The following ABHD2 variants were observed in gnomAD, a reference collection of about 807,000 sequenced individuals.
ABHD2 encodes the protein monoacylglycerol lipase ABHD2.
Under a neutral mutation model 48.1 loss-of-function variants are expected in ABHD2, and 20 were observed. That is an observed-to-expected ratio of 0.42 (90% CI 0.29 to 0.60). The LOEUF is 0.60. Ranked by LOEUF, ABHD2 falls within the 20% of genes least tolerant of loss-of-function variation. The probability of loss-of-function intolerance (pLI) is 0.24; values close to 1 mark genes in which losing one functional copy is unlikely to be tolerated. For missense variants in ABHD2, 405 were observed against 550.9 expected (o/e 0.74, Z 2.65); for synonymous variants, 209 against 214.2 (o/e 0.98, Z 0.21).
rs974508232 is a variant in ABHD2 at position 89,200,527 on chromosome 15, G to T, written c.*5104G>T. On this transcript the variant is annotated 3_prime_UTR_variant, in exon 11 of 11. Transcript: ENST00000352732. ...AACAATTCTTTATGAATTTGATAAAGGACTGAAGTGCAACTGAAAGCTGCT... is the reference window on the plus strand; with the variant it reads ...AACAATTCTTTATGAATTTGATAAATGACTGAAGTGCAACTGAAAGCTGCT... 6.6e-6 allele frequency: 1 copy of T among 152,336 alleles called. No homozygotes were observed. The highest frequency in any genetic ancestry group is 2.4e-5 in the African/African-American group (1 of 41,406). The allele number at this position is 152,336 out of a possible 1,614,324, so 9.4% of individuals were successfully genotyped here. A position where few individuals can be genotyped will look rare whatever the true frequency, so the allele number is the denominator to read the frequency against.
At chr15:89,045,694 C>T in the ABHD2 span, among the ~76,000 whole-genome samples, 1 of 152,026 alleles carries the variant, frequency 6.6e-6, no homozygotes, top group African/African-American at 2.4e-5. Context: ...TGATTTGGCT[C>T]TCTGTCTGTT....
At chr15:89,131,881 A>G (rs2050225123) in intron 3 of ABHD2, among the ~76,000 whole-genome samples, 1 of 152,174 alleles carries the variant, frequency 6.6e-6, no homozygotes, top group African/African-American at 2.4e-5. Context: ...TTGAAAACTG[A>G]AATTGAAGAA....
At chr15:89,191,453 G>A (rs182773508) in intron 9 of ABHD2, among the ~76,000 whole-genome samples, 9 of 152,076 alleles carry the variant, frequency 5.9e-5, no homozygotes, top group African/African-American at 2.2e-4. Flanking sequence ...GTTTCTGCCA[G>A]ATCAGTGAGA....
the ABHD2 span, among the ~76,000 whole-genome samples, chr15:89,049,050 C>G: frequency 1.3e-5 from 2 of 152,118 alleles, no homozygotes; most frequent in Non-Finnish European, 2.9e-5. Flanking sequence ...TGGTGATGTA[C>G]AGATGGGTTT....
chr15:89,080,976 T>C, the ABHD2 span, among the ~76,000 whole-genome samples: 4 of 140,550 alleles, frequency 2.8e-5, no homozygotes, highest in South Asian at 2.4e-4. Flanking sequence ...TTGCAGCATG[T>C]GTCAGAATTG....
rs8042994 is a variant in ABHD2, at chr15:89,142,089, G to T, written c.195-9588G>T. ...TTTATCATCCAAATAAGCCCTGGAC[G>T]CAGTGGCCAAGGCCCCAGTTGAAGT... On this transcript the variant is annotated intron_variant, in intron 3 of 10. Coordinates refer to ENST00000352732, the MANE Select transcript of ABHD2 (RefSeq NM_152924.5). Among the ~76,000 whole-genome samples the T allele has an allele frequency of 4.6e-5, 7 of 152,228 alleles. No homozygotes were observed. In the South Asian group the frequency reaches 1.4e-3, roughly 32 times the overall value.
intron 3 of ABHD2, among the ~76,000 whole-genome samples, chr15:89,132,101 G>A (rs978399162): frequency 2.0e-5 from 3 of 152,118 alleles, no homozygotes; most frequent in Non-Finnish European, 4.4e-5. Context: ...TGTTTTGCTG[G>A]CATTGTTTAT....
chr15:89,057,566 C>T, the ABHD2 span, among the ~76,000 whole-genome samples: 1 of 152,024 alleles, frequency 6.6e-6, no homozygotes, highest in Non-Finnish European at 1.5e-5. Flanking sequence ...GAATACAGCC[C>T]CTTCTTGTTT....
chr15:89,043,688 G>T, the ABHD2 span, among the ~76,000 whole-genome samples: 3 of 132,954 alleles, frequency 2.3e-5, no homozygotes, highest in Non-Finnish European at 4.9e-5. Context: ...AGGAGGAGGG[G>T]GAGGAGGAGG....
intron 3 of ABHD2, among the ~76,000 whole-genome samples, chr15:89,136,723 G>C (rs1409240008): frequency 1.3e-5 from 2 of 152,206 alleles, no homozygotes; most frequent in Admixed American, 1.3e-4. Context: ...TAATCCAGGG[G>C]CTTCACATTT....
At position 89,164,639 on chromosome 15, in the gene ABHD2, G is replaced by C. The variant is rs985703993; in HGVS notation, c.538+9105G>C. 3.3e-5 allele frequency among the ~76,000 whole-genome samples: 5 copies of C among 152,006 alleles called. No homozygotes were observed. Among genetic ancestry groups the C allele is most frequent in the Admixed American group, 3.3e-4 (5 of 15,264 alleles). On this transcript the variant is annotated intron_variant, in intron 5 of 10. Coordinates refer to ENST00000352732, the MANE Select transcript of ABHD2 (RefSeq NM_152924.5). This position sits in a 1 kb window ranked among gnomAD's most constrained non-coding sequence, Gnocchi z 5.0. ...CTCATCTCTACTAAAAATGAAAAAA[G>C]CCAGGTGTGATGATACACACCTGTA...
chr15:89,133,273 AAT>A (rs1165751447), intron 3 of ABHD2, among the ~76,000 whole-genome samples: 1 of 152,052 alleles, frequency 6.6e-6, no homozygotes, highest in African/African-American at 2.4e-5. Flanking sequence ...TCCATAAAAA[AAT>A]AGTTTGTTTA....
the ABHD2 span, among the ~76,000 whole-genome samples, chr15:89,043,135 T>G: frequency 6.6e-6 from 1 of 152,228 alleles, no homozygotes; most frequent in South Asian, 2.1e-4. Context: ...TGGGAGTAGC[T>G]AGGAAAAGGT....
intron 3 of ABHD2, among the ~76,000 whole-genome samples, chr15:89,127,869 C>T (rs1012110694): frequency 2.0e-5 from 3 of 152,040 alleles, no homozygotes; most frequent in Middle Eastern, 3.2e-3. Context: ...TCCACCTTCT[C>T]TGTCTGTCAG....
intron 3 of ABHD2, among the ~76,000 whole-genome samples, chr15:89,123,542 A>G (rs1252417803): frequency 6.6e-6 from 1 of 151,596 alleles, no homozygotes; most frequent in African/African-American, 2.4e-5. Context: ...TTTCCTCACA[A>G]ATGTGCTTCC....
the ABHD2 span, among the ~76,000 whole-genome samples, chr15:89,053,156 C>T: frequency 6.6e-6 from 1 of 151,860 alleles, no homozygotes; most frequent in African/African-American, 2.4e-5. Context: ...TTAGTAGAGA[C>T]GGGGTTTCAC....
intron 5 of ABHD2, among the ~76,000 whole-genome samples, chr15:89,163,021 T>C (rs72760658): frequency 0.017 from 2,637 of 152,348 alleles, 32 homozygotes; most frequent in Non-Finnish European, 0.027. Context: ...GTGCCCTATA[T>C]GTGAGTCTTC....
intron 6 of ABHD2, among the ~76,000 whole-genome samples, chr15:89,181,134 G>A (rs1195886052): frequency 7.4e-6 from 1 of 135,632 alleles, no homozygotes; most frequent in African/African-American, 2.8e-5. Context: ...GCTGAGGCAG[G>A]AAAATCTCTT....
chr15:89,202,156 T>G lies in ABHD2; in HGVS notation c.*6733T>G, dbSNP rs1307793604. On this transcript the variant is annotated 3_prime_UTR_variant, in exon 11 of 11. Transcript: ENST00000352732. ...TAAGATTTGCAACTAGCAATGCAAT[T>G]TTTTCTAAATATGGGGATATTTACC... 5.9e-6 allele frequency: 1 copy of G among 169,916 alleles called. No homozygotes were observed. Among genetic ancestry groups the G allele is most frequent in the Non-Finnish European group, 1.3e-5 (1 of 79,684 alleles). 10.5% of individuals were successfully genotyped at this position (169,916 alleles called of 1,614,324 possible). A position where few individuals can be genotyped will look rare whatever the true frequency, so the allele number is the denominator to read the frequency against.
Sources: gnomAD v4.1 joint callset for allele counts (sites outside exome capture counted in the v4.1 genomes callset) on GRCh38, gnomAD v4.1.1 for gene constraint, Gnocchi (gnomAD v3.1) non-coding constraint, MANE v1.5 for transcripts, NCBI Gene and HGNC (gene_info 2026-07-23, HGNC 2026-07-21) for gene names.